Variants in EGF observed in about 807,000 individuals in gnomAD.
EGF encodes the protein epidermal growth factor, also known as pro-epidermal growth factor.
In EGF, 95 loss-of-function variants were observed where a neutral mutation model predicts 143.8. That is an observed-to-expected ratio of 0.66 (90% CI 0.56 to 0.78). The LOEUF is 0.78. Ranked by LOEUF, EGF falls within the 30% of genes least tolerant of loss-of-function variation. The probability of loss-of-function intolerance (pLI) is 0.00; values close to 1 mark genes in which losing one functional copy is unlikely to be tolerated. For synonymous variants in EGF, 510 were observed against 510.5 expected (o/e 1.00, Z 0.01); for missense variants, 1,320 against 1,470.9 (o/e 0.90, Z 1.68).
chr4:109,966,419 C>A (rs1021091162), intron 10 of EGF, among the ~76,000 whole-genome samples: 1 of 152,164 alleles, frequency 6.6e-6, no homozygotes, highest in East Asian at 1.9e-4. Context: ...ATATATATGA[C>A]ACATTTTAAA....
At chr4:109,927,848 T>A (rs10017261) in intron 1 of EGF, among the ~76,000 whole-genome samples, 47,837 of 142,434 alleles carry the variant, frequency 0.34, 7,946 homozygotes, top group Middle Eastern at 0.43. Context: ...TGTGTGTGTG[T>A]GAAACATTTG....
In EGF at chr4:109,913,812, T is replaced by G. The variant is rs567472141; in HGVS notation, c.127+350T>G. On this transcript the variant is annotated intron_variant, in intron 1 of 23. Coordinates refer to ENST00000265171, the MANE Select transcript of EGF (RefSeq NM_001963.6). Reference sequence around the variant, plus strand: ...GAAATTAGGGAAACAGATGGTTGATTTTTTGTTTGTCTGTTTGAAACTCTT... The same window carrying G: ...GAAATTAGGGAAACAGATGGTTGATGTTTTGTTTGTCTGTTTGAAACTCTT... 2.8e-4 allele frequency among the ~76,000 whole-genome samples: 43 copies of G among 152,354 alleles called. No individual in the cohort carries two copies. In the South Asian group the frequency reaches 8.9e-3, roughly 32 times the overall value.
At chr4:109,996,019 T>C (rs1034518493) in intron 20 of EGF, among the ~76,000 whole-genome samples, 1 of 152,230 alleles carries the variant, frequency 6.6e-6, no homozygotes. Flanking sequence ...GTATTTGCAA[T>C]AGTTATTGCT....
intron 18 of EGF, among the ~76,000 whole-genome samples, chr4:109,992,616 T>G (rs1011323716): frequency 1.2e-4 from 18 of 152,158 alleles, no homozygotes; most frequent in Non-Finnish European, 2.4e-4. Context: ...CAAAGGAATA[T>G]AAATCATGCT....
chr4:109,925,585 A>G (rs192837367), intron 1 of EGF, among the ~76,000 whole-genome samples: 3 of 152,354 alleles, frequency 2.0e-5, no homozygotes, highest in East Asian at 3.9e-4. Flanking sequence ...ATTGGAGCCA[A>G]TAAAGAGTCA....
chr4:109,940,839 G>A (rs1464385609), intron 1 of EGF, 107 bp from the exon 2 acceptor site: 1 of 1,127,766 alleles, frequency 8.9e-7, no homozygotes, highest in East Asian at 2.4e-5. Context: ...CAGAAAACCA[G>A]TAATTAAAAA....
chr4:110,004,371 C>T (rs1194277251), intron 21 of EGF, 134 bp from the exon 22 acceptor site: 1 of 799,096 alleles, frequency 1.3e-6, no homozygotes, highest in African/African-American at 1.7e-5. Flanking sequence ...TCCTAGTTAT[C>T]TTCATATTTC....
At chr4:110,006,601 G>A (rs1277831358) in intron 22 of EGF, among the ~76,000 whole-genome samples, 1 of 152,192 alleles carries the variant, frequency 6.6e-6, no homozygotes, top group Non-Finnish European at 1.5e-5. Flanking sequence ...TTACCCAGAT[G>A]TCACTTGTCA....
chr4:109,995,202 A>T (rs775382716), intron 20 of EGF, among the ~76,000 whole-genome samples: 41 of 152,136 alleles, frequency 2.7e-4, no homozygotes, highest in Non-Finnish European at 3.7e-4. Flanking sequence ...GGTTTGTGAG[A>T]TAATTCCTTA....
Position 109,962,009 on chromosome 4 carries a change from C to G in EGF, c.1312+24C>G, listed in dbSNP as rs1237724291. On this transcript the variant is annotated intron_variant, in intron 8 of 23. Coordinates refer to ENST00000265171, the MANE Select transcript of EGF (RefSeq NM_001963.6). ...CGGTGAGTTTATTTGCTTTATTTAC[C>G]TTTTGTTTGTTTGAAAACATACATT... 6 of 1,612,572 alleles carry G rather than the reference C, an allele frequency of 3.7e-6. No individual in the cohort carries two copies. The African/African-American group carries it at 8.0e-5, about 22-fold the overall frequency.
intron 2 of EGF, among the ~76,000 whole-genome samples, chr4:109,941,550 G>A (rs1741929402): frequency 6.6e-6 from 1 of 152,308 alleles, no homozygotes; most frequent in East Asian, 1.9e-4. Context: ...ACAAGTAGGT[G>A]AGGTAGGAAG....
intron 17 of EGF, among the ~76,000 whole-genome samples, chr4:109,988,366 A>G (rs532665835): frequency 1.1e-4 from 17 of 152,292 alleles, no homozygotes; most frequent in African/African-American, 4.1e-4. Flanking sequence ...ATTTATTTAC[A>G]TATTTGCCTA....
At chr4:109,979,253 G>A (rs773879183) in intron 13 of EGF, among the ~76,000 whole-genome samples, 2 of 152,124 alleles carry the variant, frequency 1.3e-5, no homozygotes, top group Non-Finnish European at 2.9e-5. Context: ...GAGCTAGAGG[G>A]GTCACGGGGA....
intron 18 of EGF, among the ~76,000 whole-genome samples, chr4:109,991,188 A>G (rs756326426): frequency 4.0e-5 from 6 of 150,266 alleles, no homozygotes; most frequent in Non-Finnish European, 4.4e-5. Context: ...TATTTTATGT[A>G]TTCAAATATA....
Position 109,973,886 on chromosome 4 carries a change from T to C in EGF, c.1725-817T>C, listed in dbSNP as rs552494815. Among the ~76,000 whole-genome samples the C allele has an allele frequency of 5.3e-5, 8 of 152,312 alleles. No individual in the cohort carries two copies. The South Asian group carries it at 1.7e-3, about 32-fold the overall frequency. On this transcript the variant is annotated intron_variant, in intron 11 of 23. Coordinates refer to ENST00000265171, the MANE Select transcript of EGF (RefSeq NM_001963.6). ...TGCCAGATTCCATTGGGTTATTTAATGTAAAGATTAGCAAGTAATATTTCA... is the reference window on the plus strand; with the variant it reads ...TGCCAGATTCCATTGGGTTATTTAACGTAAAGATTAGCAAGTAATATTTCA...
chr4:109,995,520 A>G (rs750765410), intron 20 of EGF, among the ~76,000 whole-genome samples: 2 of 152,214 alleles, frequency 1.3e-5, no homozygotes, highest in African/African-American at 2.4e-5. Context: ...CCCTAAAACT[A>G]TGAGACATTC....
At chr4:109,971,218 T>C (rs1435600082) in intron 11 of EGF, among the ~76,000 whole-genome samples, 1 of 152,194 alleles carries the variant, frequency 6.6e-6, no homozygotes, top group African/African-American at 2.4e-5. Context: ...CATAAAGATG[T>C]ACCACCGCCC....
chr4:109,950,142 T>G (rs1743613866), intron 5 of EGF, among the ~76,000 whole-genome samples: 2 of 152,234 alleles, frequency 1.3e-5, no homozygotes, highest in Non-Finnish European at 2.9e-5. Context: ...AAGGCCCTTA[T>G]AGTTATCTGC....
At position 109,919,301 on chromosome 4, in the gene EGF, C is replaced by G. The variant is rs975839407; in HGVS notation, c.127+5839C>G. On this transcript the variant is annotated intron_variant, in intron 1 of 23. Coordinates refer to ENST00000265171, the MANE Select transcript of EGF (RefSeq NM_001963.6). ...CATGCTTCTCTGTCTCTCTCTCTCT[C>G]TCTCTCTCTCTCTCTCTCTCTCTCT... 2.4e-3 allele frequency among the ~76,000 whole-genome samples: 303 copies of G among 126,360 alleles called. 3 individuals are homozygous for G. Among genetic ancestry groups the G allele is most frequent in the African/African-American group, 8.1e-3 (267 of 32,962 alleles). 82.9% of individuals were successfully genotyped at this position (126,360 alleles called of 152,430 possible).
Sources: allele counts gnomAD v4.1 joint callset (sites outside exome capture counted in the v4.1 genomes callset), GRCh38; gene constraint gnomAD v4.1.1; transcripts MANE v1.5; gene names NCBI Gene and HGNC (gene_info 2026-07-23, HGNC 2026-07-21).